Variants in PPARGC1A observed in about 807,000 individuals in gnomAD.
The protein encoded by PPARGC1A is peroxisome proliferator-activated receptor gamma coactivator 1-alpha.
PPARGC1A carries 25 observed loss-of-function variants against 88.7 expected under a neutral mutation model. The ratio of observed to expected loss-of-function variants is 0.28; its 90% CI spans 0.21 to 0.39. The LOEUF (loss-of-function observed/expected upper bound fraction) is 0.39. PPARGC1A is among the 10% of genes least tolerant of loss of function. The pLI is 1.00. For missense variants in PPARGC1A, 880 were observed against 968.7 expected (o/e 0.91, Z 1.22); for synonymous variants, 363 against 355.6 (o/e 1.02, Z -0.24).
chr4:24,102,666 G>T, the PPARGC1A span, among the ~76,000 whole-genome samples: 1 of 152,178 alleles, frequency 6.6e-6, no homozygotes, highest in South Asian at 2.1e-4. Flanking sequence ...TGCTATCCGG[G>T]AACTTTTGAT....
At chr4:24,009,330 C>G in the PPARGC1A span, among the ~76,000 whole-genome samples, 39 of 152,010 alleles carry the variant, frequency 2.6e-4, no homozygotes, top group Non-Finnish European at 4.7e-4. Flanking sequence ...GAAAGATGGC[C>G]AAGTTTCTTC....
the PPARGC1A span, among the ~76,000 whole-genome samples, chr4:23,963,672 C>T: frequency 6.6e-6 from 1 of 152,144 alleles, no homozygotes; most frequent in Non-Finnish European, 1.5e-5. Flanking sequence ...CAGTATGTTT[C>T]CCTTCACCCT....
At chr4:24,317,555 TAAAAAAAAAAAAAAAAAAA>T in the PPARGC1A span, among the ~76,000 whole-genome samples, 479 of 22,230 alleles carry the variant, frequency 0.022, 5 homozygotes, top group African/African-American at 0.041. Flanking sequence ...TTCAGAGGAC[TAAAAAAAAAAAAAAAAAAA>T]AAAAAAAAAA....
At chr4:24,298,471 T>C in the PPARGC1A span, among the ~76,000 whole-genome samples, 1 of 152,204 alleles carries the variant, frequency 6.6e-6, no homozygotes, top group African/African-American at 2.4e-5. Context: ...GCATCTATTA[T>C]GTAGCAACCA....
the PPARGC1A span, among the ~76,000 whole-genome samples, chr4:24,316,746 G>C: frequency 1.3e-5 from 2 of 152,156 alleles, no homozygotes; most frequent in Non-Finnish European, 2.9e-5. Flanking sequence ...TTGTTTTGAG[G>C]AATAAATGAC....
At chr4:24,419,072 T>G in the PPARGC1A span, among the ~76,000 whole-genome samples, 4 of 152,142 alleles carry the variant, frequency 2.6e-5, no homozygotes, top group African/African-American at 9.7e-5. Flanking sequence ...AAAATACTTT[T>G]GGATAATGAT....
chr4:24,140,762 C>T, the PPARGC1A span, among the ~76,000 whole-genome samples: 1 of 152,170 alleles, frequency 6.6e-6, no homozygotes, highest in African/African-American at 2.4e-5. Flanking sequence ...TGCTTATCCT[C>T]AGAAGATTCA....
the PPARGC1A span, among the ~76,000 whole-genome samples, chr4:23,946,401 C>T: frequency 3.3e-5 from 5 of 152,040 alleles, no homozygotes; most frequent in African/African-American, 4.8e-5. Flanking sequence ...CCTCACTAGC[C>T]AAGGCTGGGC....
chr4:24,053,938 G>A, the PPARGC1A span, among the ~76,000 whole-genome samples: 2 of 152,260 alleles, frequency 1.3e-5, no homozygotes, highest in Admixed American at 1.3e-4. Context: ...CCAAACCTCT[G>A]GATGGAATGC....
At chr4:24,393,074 T>G in the PPARGC1A span, among the ~76,000 whole-genome samples, 1 of 151,574 alleles carries the variant, frequency 6.6e-6, no homozygotes, top group Non-Finnish European at 1.5e-5. Context: ...TTCTTTGGCT[T>G]TACCTTACCT....
At chr4:24,082,105 A>C in the PPARGC1A span, among the ~76,000 whole-genome samples, 1 of 152,174 alleles carries the variant, frequency 6.6e-6, no homozygotes, top group African/African-American at 2.4e-5. Flanking sequence ...TGAAAAAGAC[A>C]GTCATCGGCA....
the PPARGC1A span, among the ~76,000 whole-genome samples, chr4:24,057,370 G>A: frequency 1.5e-4 from 22 of 151,588 alleles, no homozygotes; most frequent in South Asian, 3.6e-3. Context: ...AAAGAGTTCC[G>A]GAGATGGATT....
chr4:23,871,313 G>T (rs770673863), intron 2 of PPARGC1A, among the ~76,000 whole-genome samples: 5 of 152,192 alleles, frequency 3.3e-5, no homozygotes, highest in African/African-American at 1.2e-4. Context: ...TGGGATTGCC[G>T]GTGATAGGAT....
At chr4:24,250,830 A>C in the PPARGC1A span, among the ~76,000 whole-genome samples, 1 of 152,176 alleles carries the variant, frequency 6.6e-6, no homozygotes, top group Admixed American at 6.5e-5. Flanking sequence ...CAATACACCT[A>C]CTGGCTTCTC....
the PPARGC1A span, among the ~76,000 whole-genome samples, chr4:23,949,615 AT>A: frequency 6.6e-6 from 1 of 152,150 alleles, no homozygotes. Context: ...ACTCCCAACC[AT>A]TTTAAGCAAA....
At chr4:23,978,858 G>A in the PPARGC1A span, among the ~76,000 whole-genome samples, 1 of 152,134 alleles carries the variant, frequency 6.6e-6, no homozygotes, top group African/African-American at 2.4e-5. Context: ...TTTTGCAGAT[G>A]AACAAAAGCT....
At chr4:24,134,973 C>A in the PPARGC1A span, among the ~76,000 whole-genome samples, 1 of 152,176 alleles carries the variant, frequency 6.6e-6, no homozygotes, top group Non-Finnish European at 1.5e-5. Context: ...TTCCTGCACA[C>A]CTTGCACTGC....
the PPARGC1A span, among the ~76,000 whole-genome samples, chr4:24,128,646 GC>G: frequency 1.3e-5 from 2 of 150,670 alleles, no homozygotes; most frequent in Non-Finnish European, 3.0e-5. Flanking sequence ...TGTGGGTGTG[GC>G]ATTATGGGTG....
chr4:23,910,373 AT>A, the PPARGC1A span, among the ~76,000 whole-genome samples: 1 of 103,802 alleles, frequency 9.6e-6, no homozygotes, highest in Non-Finnish European at 1.8e-5. Flanking sequence ...ATATTATATT[AT>A]ATTATATATA....
Sources: allele counts gnomAD v4.1 joint callset (sites outside exome capture counted in the v4.1 genomes callset), GRCh38; gene constraint gnomAD v4.1.1; transcripts MANE v1.5; gene names NCBI Gene and HGNC (gene_info 2026-07-23, HGNC 2026-07-21).